Variants in FAM228A observed in about 807,000 individuals in gnomAD.
The protein encoded by FAM228A is protein FAM228A.
In FAM228A, 13 loss-of-function variants were observed where a neutral mutation model predicts 18.6. The ratio of observed to expected loss-of-function variants is 0.70; its 90% CI spans 0.45 to 1.11. FAM228A has a LOEUF of 1.11. Among genes scored for constraint, FAM228A ranks in the 50% least tolerant of loss-of-function variants. The pLI is 0.00. For missense variants in FAM228A, 240 were observed against 242.2 expected, an observed-to-expected ratio of 0.99 and a Z score of 0.06; for synonymous variants, 77 against 86.6, an observed-to-expected ratio of 0.89 and a Z score of 0.61.
chr2:24,184,550 A>G (rs1410641657), intron 5 of FAM228A, among the ~76,000 whole-genome samples: 1 of 152,070 alleles, frequency 6.6e-6, no homozygotes, highest in Non-Finnish European at 1.5e-5. Flanking sequence ...ATTATATTCC[A>G]TTATATTTGA....
At chr2:24,176,050 A>C in intron 2 of FAM228A, 4 of 985,454 alleles carry the variant, frequency 4.1e-6, no homozygotes, top group Non-Finnish European at 4.8e-6. Flanking sequence ...GATTTCGAAA[A>C]GTGCTGCTGC....
At chr2:24,189,609 G>C (rs11895892) in intron 5 of FAM228A, among the ~76,000 whole-genome samples, 2,187 of 152,216 alleles carry the variant, frequency 0.014, 16 homozygotes, top group South Asian at 0.043. Context: ...AGTGGTTGTT[G>C]AATGAATTAA....
rs560875290 is a variant in FAM228A, at chr2:24,190,730, G to A, written c.*99G>A. ...AAGAGGAGGAGGGAGAAATGGCGGT[G>A]GCCTCAGGCTCAGCACTGCAGCTCT... On this transcript the variant is annotated 3_prime_UTR_variant, in exon 6 of 6. Transcript: ENST00000295150. 3 of 1,428,148 alleles carry A rather than the reference G, an allele frequency of 2.1e-6. No homozygotes were observed. The highest frequency in any genetic ancestry group is 2.9e-5 in the African/African-American group (2 of 69,644). The allele number at this position is 1,428,148 out of a possible 1,614,324, so 88.5% of individuals were successfully genotyped here.
At chr2:24,175,717 C>T (rs1667666847) in intron 2 of FAM228A, 144 bp downstream of exon 2, 4 of 764,140 alleles carry the variant, frequency 5.2e-6, no homozygotes. Context: ...TGTTCGGGCT[C>T]AGATTTGGCC....
intron 5 of FAM228A, among the ~76,000 whole-genome samples, chr2:24,184,305 G>A (rs369424328): frequency 6.6e-6 from 1 of 151,672 alleles, no homozygotes; most frequent in Non-Finnish European, 1.5e-5. Flanking sequence ...GCTTGAACTC[G>A]GGAAGCAGAA....
At chr2:24,189,299 G>A (rs910788005) in intron 5 of FAM228A, among the ~76,000 whole-genome samples, 4 of 152,082 alleles carry the variant, frequency 2.6e-5, no homozygotes, top group Non-Finnish European at 5.9e-5. Context: ...CACCCTTTCC[G>A]GCCTCATCAC....
intron 2 of FAM228A, chr2:24,175,952 A>C: frequency 9.8e-7 from 1 of 1,024,718 alleles, no homozygotes; most frequent in Non-Finnish European, 1.2e-6. Context: ...AACTCTTGGA[A>C]ATTTCCTTTC....
At chr2:24,180,140 AC>A (rs982064111) in intron 3 of FAM228A, among the ~76,000 whole-genome samples, 6 of 151,474 alleles carry the variant, frequency 4.0e-5, no homozygotes, top group East Asian at 3.9e-4. Flanking sequence ...GATCTTTCTT[AC>A]CCCCACATAT....
At chr2:24,175,749 T>TC in intron 2 of FAM228A, 176 bp downstream of exon 2, 3 of 742,596 alleles carry the variant, frequency 4.0e-6, no homozygotes, top group Admixed American at 6.2e-5. Flanking sequence ...CAAGAGTGTT[T>TC]CCAGTCGCCA....
chr2:24,183,592 A>G lies in FAM228A; in HGVS notation c.348A>G (p.Pro116=), dbSNP rs767860256. The change falls in exon 5 of 6, where the codon CCA becomes CCG. Residue 116 remains proline (P), a synonymous_variant. Coordinates refer to ENST00000295150, the MANE Select transcript of FAM228A (RefSeq NM_001040710.3). ...YFTFTSHCVI[P]KEWHKASARA... ...CTTTCACTTCACACTGTGTGATTCC[A>G]AAAGAGTGGCATAAAGCCTCTGCAA... The G allele has an allele frequency of 2.4e-5, 39 of 1,613,838 alleles. No individual in the cohort carries two copies. The South Asian group carries it at 3.4e-4, about 14-fold the overall frequency.
At chr2:24,175,237 C>A in intron 1 of FAM228A, 63 bp downstream of exon 1, 1 of 491,742 alleles carries the variant, frequency 2.0e-6, no homozygotes, top group Non-Finnish European at 3.7e-6. Context: ...TGTGGCAGGG[C>A]CAGGGGGGCG....
chr2:24,184,206 T>A (rs1020992907), intron 5 of FAM228A, among the ~76,000 whole-genome samples: 2 of 151,876 alleles, frequency 1.3e-5, no homozygotes, highest in Non-Finnish European at 2.9e-5. Flanking sequence ...ATGGTGAAAC[T>A]CCATCTCTAC....
chr2:24,179,569 G>C (rs148680014), intron 3 of FAM228A, among the ~76,000 whole-genome samples: 15 of 152,312 alleles, frequency 9.8e-5, no homozygotes, highest in African/African-American at 2.4e-4. Flanking sequence ...TTAAGAGGTA[G>C]GTGGTCTCGT....
intron 5 of FAM228A, among the ~76,000 whole-genome samples, chr2:24,189,976 T>C (rs13402899): frequency 0.043 from 6,520 of 152,216 alleles, 158 homozygotes; most frequent in South Asian, 0.1. Context: ...CCCTGCCTCT[T>C]TGGGGCTATG....
Position 24,190,450 on chromosome 2 carries a change from GAAAAGAGA to G in FAM228A, c.447_454del (p.Glu149AspfsTer10). On this transcript the variant is annotated frameshift_variant, in exon 6 of 6. Transcript: ENST00000295150. LOFTEE classifies it low-confidence loss of function (END_TRUNC). ...ATCTATGCAGACAAGAAACAGAAAAGAAAAGAGAAAAAGACGGCCGACCTAAGTCAGGC... is the reference window on the plus strand; with the variant it reads ...ATCTATGCAGACAAGAAACAGAAAAGAAAAGACGGCCGACCTAAGTCAGGC... 1 of 1,613,852 alleles carries G rather than the reference GAAAAGAGA, an allele frequency of 6.2e-7. No homozygotes were observed. The highest frequency in any genetic ancestry group is 8.5e-7 in the Non-Finnish European group (1 of 1,179,916).
At position 24,177,884 on chromosome 2, in the gene FAM228A, C is replaced by T; in HGVS notation, c.162+14C>T. 6.4e-7 allele frequency: 1 copy of T among 1,567,758 alleles called. No individual in the cohort carries two copies. The highest frequency in any genetic ancestry group is 8.8e-7 in the Non-Finnish European group (1 of 1,141,374). On this transcript the variant is annotated intron_variant, in intron 3 of 5. Transcript: ENST00000295150. The stretch of plus-strand genomic sequence containing the variant: ...TCCATTGTGAAGGTAAGAGTTGGCT[C>T]CACGCTGCATTCTACATATGTTCTA...
chr2:24,184,377 C>CAA (rs66895555), intron 5 of FAM228A, among the ~76,000 whole-genome samples: 5 of 108,978 alleles, frequency 4.6e-5, no homozygotes, highest in Admixed American at 1.0e-4. Context: ...GAGACACTGT[C>CAA]AAAAAAAAAA....
At chr2:24,189,818 C>T (rs1281871239) in intron 5 of FAM228A, among the ~76,000 whole-genome samples, 1 of 152,018 alleles carries the variant, frequency 6.6e-6, no homozygotes, top group African/African-American at 2.4e-5. Context: ...AAGCCAGAAT[C>T]CTTCTCAAAG....
At chr2:24,186,951 C>T (rs1667963397) in intron 5 of FAM228A, among the ~76,000 whole-genome samples, 1 of 152,178 alleles carries the variant, frequency 6.6e-6, no homozygotes, top group Non-Finnish European at 1.5e-5. Flanking sequence ...TGGAAAATTA[C>T]ACTGACTCAT....
Sources: gnomAD v4.1 joint callset for allele counts (sites outside exome capture counted in the v4.1 genomes callset) on GRCh38, gnomAD v4.1.1 for gene constraint, MANE v1.5 for transcripts, NCBI Gene and HGNC (gene_info 2026-07-23, HGNC 2026-07-21) for gene names.